CYP2J2: variants seen among roughly 807,000 people sequenced by gnomAD.
CYP2J2 encodes the protein cytochrome P450 family 2 subfamily J member 2.
A neutral mutation model predicts 48.8 loss-of-function variants in CYP2J2; 41 were observed. The observed-to-expected ratio is 0.84, with a 90% CI of 0.66 to 1.09. The LOEUF is 1.09. Among genes scored for constraint, CYP2J2 ranks in the 50% least tolerant of loss-of-function variants. The pLI, the probability that CYP2J2 is intolerant of heterozygous loss-of-function variation, is 0.00. For missense variants in CYP2J2, 644 were observed against 617.3 expected, an observed-to-expected ratio of 1.04 and a Z score of -0.46; for synonymous variants, 221 against 227.1, an observed-to-expected ratio of 0.97 and a Z score of 0.24.
chr1:59,905,780 C>A (rs1644359655), intron 6 of CYP2J2, among the ~76,000 whole-genome samples: 1 of 152,184 alleles, frequency 6.6e-6, no homozygotes, highest in Admixed American at 6.5e-5. Context: ...CCAGATAGGA[C>A]TGCTCCCAGT....
chr1:59,941,920 T>C, the CYP2J2 span, among the ~76,000 whole-genome samples: 1 of 152,208 alleles, frequency 6.6e-6, no homozygotes, highest in African/African-American at 2.4e-5. Context: ...GATTAATTTA[T>C]TATTGATGGA....
At chr1:59,935,782 T>G in the CYP2J2 span, among the ~76,000 whole-genome samples, 1 of 152,174 alleles carries the variant, frequency 6.6e-6, no homozygotes, top group African/African-American at 2.4e-5. Flanking sequence ...AAAACTTTAC[T>G]TCTTCTATGT....
At chr1:59,916,745 T>G (rs1559077870) in intron 1 of CYP2J2, among the ~76,000 whole-genome samples, 1 of 151,958 alleles carries the variant, frequency 6.6e-6, no homozygotes, top group Admixed American at 6.5e-5. Context: ...TATATAGACA[T>G]AGTAAACAAG....
At chr1:59,956,043 A>G in the CYP2J2 span, among the ~76,000 whole-genome samples, 7 of 152,168 alleles carry the variant, frequency 4.6e-5, no homozygotes, top group South Asian at 2.1e-4. Flanking sequence ...AGATGTATAC[A>G]TATGCATATG....
Position 59,906,085 on chromosome 1 carries a change from C to A in CYP2J2, c.1004-1027G>T, listed in dbSNP as rs11572287. Among the ~76,000 whole-genome samples the A allele has an allele frequency of 6.1e-4, 93 of 152,244 alleles. 1 individual carries two copies. The South Asian group carries it at 0.016, about 25-fold the overall frequency. Reference sequence around the variant, plus strand: ...CCTGTAGTCCCAGCTACTCGGGAGGCTGAGGCAGGAGAATGGCATGAACCC... The same window carrying A: ...CCTGTAGTCCCAGCTACTCGGGAGGATGAGGCAGGAGAATGGCATGAACCC... On this transcript the variant is annotated intron_variant, in intron 6 of 8. Transcript: ENST00000371204.
chr1:59,964,314 T>C, the CYP2J2 span, among the ~76,000 whole-genome samples: 2 of 152,208 alleles, frequency 1.3e-5, no homozygotes, highest in African/African-American at 4.8e-5. Context: ...GTGTGAATAC[T>C]ACCACAGTAC....
the CYP2J2 span, among the ~76,000 whole-genome samples, chr1:59,967,036 T>C: frequency 1.3e-5 from 2 of 152,144 alleles, no homozygotes; most frequent in African/African-American, 2.4e-5. Flanking sequence ...CAACCTTCTC[T>C]GTTTTTCTCC....
chr1:59,927,548 A>G (rs1216663982), upstream of CYP2J2, among the ~76,000 whole-genome samples: 2 of 152,132 alleles, frequency 1.3e-5, no homozygotes, highest in African/African-American at 4.8e-5. Flanking sequence ...ACACTCATGT[A>G]CTCAACATAG....
chr1:59,950,139 C>T, the CYP2J2 span, among the ~76,000 whole-genome samples: 1 of 149,810 alleles, frequency 6.7e-6, no homozygotes, highest in African/African-American at 2.5e-5. Flanking sequence ...CTCTAAGAAG[C>T]CATGGACTCC....
chr1:59,915,169 A>G (rs886257096), intron 2 of CYP2J2, among the ~76,000 whole-genome samples: 14 of 152,200 alleles, frequency 9.2e-5, no homozygotes, highest in Admixed American at 9.2e-4. Flanking sequence ...TCCTGCTGAG[A>G]TACTGAAAAT....
At chr1:59,895,720 T>C (rs1029190041) in intron 8 of CYP2J2, among the ~76,000 whole-genome samples, 1 of 152,220 alleles carries the variant, frequency 6.6e-6, no homozygotes, top group African/African-American at 2.4e-5. Flanking sequence ...TACATATGTA[T>C]ACATGTGCCA....
chr1:59,912,213 G>T lies in CYP2J2; in HGVS notation c.472C>A (p.Arg158Ser). The T allele has an allele frequency of 6.2e-7, 1 of 1,613,852 alleles. No individual in the cohort carries two copies. The highest frequency in any genetic ancestry group is 8.5e-7 in the Non-Finnish European group (1 of 1,179,860). ...FGLGKKSLEE[R>S]IQEEAQHLTE... The stretch of plus-strand genomic sequence containing the variant: ...AGGTGTTGGGCCTCCTCCTGAATGC[G>T]TTCCTCTAAGCTCTTCTTTCCTAAA... The change falls in exon 3 of 9, where the codon CGC (arginine) becomes AGC (serine). Residue 158 changes from arginine (R) to serine (S), a missense_variant. By Grantham distance (110) the Arg-to-Ser change is moderately radical. Coordinates refer to ENST00000371204, the MANE Select transcript of CYP2J2 (RefSeq NM_000775.4).
At chr1:59,923,514 T>C (rs914058965) in intron 1 of CYP2J2, among the ~76,000 whole-genome samples, 4 of 152,314 alleles carry the variant, frequency 2.6e-5, no homozygotes, top group African/African-American at 4.8e-5. Context: ...AATAATTAAA[T>C]ATTTAAAAGC....
intron 1 of CYP2J2, among the ~76,000 whole-genome samples, chr1:59,925,096 C>A (rs2102142112): frequency 6.6e-6 from 1 of 152,188 alleles, no homozygotes; most frequent in South Asian, 2.1e-4. Flanking sequence ...ACTAAGAAGA[C>A]ATGATAATCT....
Position 59,893,658 on chromosome 1 carries a change from T to C in CYP2J2, c.1502A>G (p.Gln501Arg), listed in dbSNP as rs972312570. The change falls in exon 9 of 9, where the codon CAG becomes CGG. Residue 501 changes from glutamine (Q) to arginine (R), a missense_variant. Transcript: ENST00000371204. ...CTTTCTTTCTTAACAATATTACACC[T>C]GAGGAACAGCGCAGAGGCGGTGACT... ...PVSHRLCAVP[Q>R]V The C allele has an allele frequency of 6.2e-7, 1 of 1,603,870 alleles. No individual in the cohort carries two copies. Among genetic ancestry groups the C allele is most frequent in the Non-Finnish European group, 8.5e-7 (1 of 1,175,774 alleles).
the CYP2J2 span, among the ~76,000 whole-genome samples, chr1:59,939,732 C>A: frequency 6.6e-6 from 1 of 152,222 alleles, no homozygotes; most frequent in Non-Finnish European, 1.5e-5. Context: ...AAGTCAAAAG[C>A]CTTAGAAGTC....
the CYP2J2 span, among the ~76,000 whole-genome samples, chr1:59,962,899 C>T: frequency 3.0e-4 from 45 of 152,318 alleles, no homozygotes; most frequent in African/African-American, 1.1e-3. Context: ...GCTTTGCAAC[C>T]ATCCAGTTTC....
At chr1:59,917,364 A>G (rs1644475349) in intron 1 of CYP2J2, among the ~76,000 whole-genome samples, 1 of 152,226 alleles carries the variant, frequency 6.6e-6, no homozygotes, top group African/African-American at 2.4e-5. Context: ...AGCCATTGCT[A>G]AGCACCTTTC....
intron 1 of CYP2J2, among the ~76,000 whole-genome samples, chr1:59,922,927 A>C (rs939514312): frequency 6.6e-6 from 1 of 152,180 alleles, no homozygotes; most frequent in Non-Finnish European, 1.5e-5. Flanking sequence ...CTTTCAGCCT[A>C]CTTTGCAATA....
Sources: allele counts gnomAD v4.1 joint callset (sites outside exome capture counted in the v4.1 genomes callset), GRCh38; gene constraint gnomAD v4.1.1; transcripts MANE v1.5; gene names NCBI Gene and HGNC (gene_info 2026-07-23, HGNC 2026-07-21).